AIG1: variants seen among roughly 807,000 people sequenced by gnomAD.
AIG1 encodes androgen induced 1.
In AIG1, 23 loss-of-function variants were observed where a neutral mutation model predicts 31.4. That is an observed-to-expected ratio of 0.73 (90% confidence interval 0.53 to 1.04). The LOEUF is 1.04. Ranked by LOEUF, AIG1 falls within the 50% of genes least tolerant of loss-of-function variation. AIG1 has a pLI of 0.00. For missense variants in AIG1, 274 were observed against 295.0 expected, an observed-to-expected ratio of 0.93 and a Z score of 0.52; for synonymous variants, 100 against 110.5, an observed-to-expected ratio of 0.90 and a Z score of 0.60.
chr6:143,323,666 T>C (rs73576660), intron 4 of AIG1, among the ~76,000 whole-genome samples: 8,596 of 152,092 alleles, frequency 0.057, 633 homozygotes, highest in African/African-American at 0.17. Context: ...CTTTGTCCTA[T>C]TCCTGGGACC....
intron 1 of AIG1, among the ~76,000 whole-genome samples, chr6:143,100,265 T>C (rs1279113317): frequency 6.6e-6 from 1 of 152,218 alleles, no homozygotes; most frequent in Non-Finnish European, 1.5e-5. Flanking sequence ...TGAAGAGGGC[T>C]TCCCTTTGCT....
intron 2 of AIG1, among the ~76,000 whole-genome samples, chr6:143,157,783 A>C (rs916595400): frequency 6.6e-6 from 1 of 151,808 alleles, no homozygotes; most frequent in Admixed American, 6.6e-5. Flanking sequence ...TCTTTAATGG[A>C]GAATTATTTG....
At position 143,082,252 on chromosome 6, in the gene AIG1, A is replaced by T. The variant is rs148319289; in HGVS notation, c.141+21186A>T. On this transcript the variant is annotated intron_variant, in intron 1 of 5. Coordinates refer to ENST00000357847, the MANE Select transcript of AIG1 (RefSeq NM_016108.4). ...TGAGGGGATTACTTTCAAGTATTCC[A>T]TTATCACTGAACACTGCGTAAGCCG... is the stretch of plus-strand genomic sequence containing the variant. 3.7e-4 allele frequency among the ~76,000 whole-genome samples: 57 copies of T among 152,308 alleles called. No individual in the cohort carries two copies. The East Asian group carries it at 0.01, about 28-fold the overall frequency.
intron 4 of AIG1, among the ~76,000 whole-genome samples, chr6:143,294,135 C>T (rs1381699729): frequency 2.0e-5 from 3 of 152,166 alleles, no homozygotes; most frequent in Non-Finnish European, 4.4e-5. Context: ...TGGCCTCATA[C>T]CCTTCTACCT....
chr6:143,262,525 A>G (rs1795857356), intron 3 of AIG1, among the ~76,000 whole-genome samples: 1 of 152,194 alleles, frequency 6.6e-6, no homozygotes, highest in South Asian at 2.1e-4. Context: ...TGCTCTTCAA[A>G]TGATGGAAGG....
At chr6:143,343,405 G>C, downstream of AIG1, 1 of 537,800 alleles carries the variant, frequency 1.9e-6, no homozygotes, top group East Asian at 4.7e-5. Context: ...CACAGTACCG[G>C]TGCACCTGTC....
At chr6:143,320,515 A>T (rs1453150825) in intron 4 of AIG1, among the ~76,000 whole-genome samples, 1 of 152,236 alleles carries the variant, frequency 6.6e-6, no homozygotes, top group African/African-American at 2.4e-5. Context: ...ATGGAATGTT[A>T]TTCAGCCCTT....
intron 3 of AIG1, chr6:143,187,372 T>G: frequency 2.0e-6 from 3 of 1,527,182 alleles, no homozygotes; most frequent in Non-Finnish European, 2.6e-6. Context: ...GTCTCATTTA[T>G]TTGTTTAATT....
intron 4 of AIG1, among the ~76,000 whole-genome samples, chr6:143,320,882 C>T (rs1252794480): frequency 1.4e-5 from 2 of 147,872 alleles, no homozygotes; most frequent in Non-Finnish European, 3.0e-5. Context: ...AGTGCAATGG[C>T]GCAATCTTGG....
intron 1 of AIG1, among the ~76,000 whole-genome samples, chr6:143,096,621 CTT>C (rs1779825412): frequency 6.6e-6 from 1 of 152,270 alleles, no homozygotes; most frequent in East Asian, 1.9e-4. Context: ...TGTAAATAGA[CTT>C]ATGCTTAATA....
chr6:143,318,188 G>A (rs553546871), intron 4 of AIG1, among the ~76,000 whole-genome samples: 39 of 151,076 alleles, frequency 2.6e-4, no homozygotes, highest in African/African-American at 7.3e-4. Flanking sequence ...AAGACTAAGC[G>A]AAAAGAACAA....
At chr6:143,201,655 A>G (rs1040116909) in intron 3 of AIG1, among the ~76,000 whole-genome samples, 1 of 152,190 alleles carries the variant, frequency 6.6e-6, no homozygotes, top group Non-Finnish European at 1.5e-5. Context: ...TTAGAAATCC[A>G]CCAGTGTGGA....
chr6:143,199,708 C>T (rs543237102), intron 3 of AIG1, among the ~76,000 whole-genome samples: 56 of 152,138 alleles, frequency 3.7e-4, no homozygotes, highest in African/African-American at 1.2e-3. Context: ...GGTGAGTGGC[C>T]GCTTCATCCA....
intron 1 of AIG1, among the ~76,000 whole-genome samples, chr6:143,111,811 T>C (rs950997136): frequency 1.3e-5 from 2 of 152,198 alleles, no homozygotes; most frequent in Non-Finnish European, 2.9e-5. Flanking sequence ...TCCCCATGTC[T>C]AGTGAAAACA....
chr6:143,083,213 G>A (rs900719742), intron 1 of AIG1, among the ~76,000 whole-genome samples: 24 of 152,210 alleles, frequency 1.6e-4, no homozygotes, highest in African/African-American at 4.8e-4. Flanking sequence ...GTTTAAAAGC[G>A]CTTGGGTGGC....
intron 3 of AIG1, among the ~76,000 whole-genome samples, chr6:143,179,697 A>G (rs2128583540): frequency 6.6e-6 from 1 of 152,292 alleles, no homozygotes; most frequent in East Asian, 1.9e-4. Flanking sequence ...TTTGAAGAGG[A>G]GAAGAAATGA....
intron 3 of AIG1, among the ~76,000 whole-genome samples, chr6:143,241,681 TAGGTG>T (rs1206003312): frequency 6.6e-6 from 1 of 152,188 alleles, no homozygotes; most frequent in Non-Finnish European, 1.5e-5. Context: ...CCCTATTTTA[TAGGTG>T]AGGGAACTGA....
chr6:143,187,412 T>A, intron 3 of AIG1: 4 of 1,535,668 alleles, frequency 2.6e-6, no homozygotes, highest in Non-Finnish European at 3.5e-6. Context: ...TTCCACCACT[T>A]TGGGCTTTTA....
rs905655703 is a variant in AIG1, at chr6:143,293,867, T to G, written c.515+9642T>G. ...CACCAGTGTGATGCTGCTTGTGCTCTTGATGCTACTTGGCAATTTTCCTGT... is the reference window on the plus strand; with the variant it reads ...CACCAGTGTGATGCTGCTTGTGCTCGTGATGCTACTTGGCAATTTTCCTGT... On this transcript the variant is annotated intron_variant, in intron 4 of 5. Coordinates refer to ENST00000357847, the MANE Select transcript of AIG1 (RefSeq NM_016108.4). The surrounding 1 kb of genome is among the most constrained non-coding windows in gnomAD (Gnocchi z 4.8). Among the ~76,000 whole-genome samples, 9 of 152,174 alleles carry G rather than the reference T, an allele frequency of 5.9e-5. No homozygotes were observed. Among genetic ancestry groups the G allele is most frequent in the Admixed American group, 2.0e-4 (3 of 15,290 alleles).
Sources: gnomAD v4.1 joint callset for allele counts (sites outside exome capture counted in the v4.1 genomes callset) on GRCh38, gnomAD v4.1.1 for gene constraint, Gnocchi (gnomAD v3.1) non-coding constraint, MANE v1.5 for transcripts, NCBI Gene and HGNC (gene_info 2026-07-23, HGNC 2026-07-21) for gene names.